Variants in ZBTB7C observed in about 807,000 individuals in gnomAD.
The protein encoded by ZBTB7C is zinc finger and BTB domain-containing protein 7C.
ZBTB7C carries 8 observed loss-of-function variants against 25.7 expected under a neutral mutation model. The ratio of observed to expected loss-of-function variants is 0.31; its 90% confidence interval spans 0.18 to 0.56. ZBTB7C has a LOEUF of 0.56. Among genes scored for constraint, ZBTB7C ranks in the 20% least tolerant of loss-of-function variants. The pLI is 0.91. For missense variants in ZBTB7C, 824 were observed against 855.2 expected, an observed-to-expected ratio of 0.96 and a Z score of 0.46; for synonymous variants, 394 against 369.0, an observed-to-expected ratio of 1.07 and a Z score of -0.78.
At chr18:48,364,797 T>G (rs2047186001) in intron 1 of ZBTB7C, among the ~76,000 whole-genome samples, 1 of 152,228 alleles carries the variant, frequency 6.6e-6, no homozygotes, top group South Asian at 2.1e-4. Context: ...TTTTACCTTT[T>G]GTGCACAAAT....
chr18:48,034,132 G>T (rs2035871720), intron 4 of ZBTB7C, among the ~76,000 whole-genome samples: 1 of 152,160 alleles, frequency 6.6e-6, no homozygotes, highest in Non-Finnish European at 1.5e-5. Flanking sequence ...CTTCTCTGTA[G>T]GAATGGAGGT....
At chr18:48,352,015 C>T (rs1291310452) in intron 1 of ZBTB7C, among the ~76,000 whole-genome samples, 1 of 152,180 alleles carries the variant, frequency 6.6e-6, no homozygotes, top group Non-Finnish European at 1.5e-5. Context: ...TTAGCCTTGG[C>T]CTGGTCTCCC....
At chr18:48,322,016 A>T (rs2046107756) in intron 2 of ZBTB7C, among the ~76,000 whole-genome samples, 1 of 152,156 alleles carries the variant, frequency 6.6e-6, no homozygotes, top group Non-Finnish European at 1.5e-5. Flanking sequence ...TGCTCCAAAC[A>T]GCTCCTTTGA....
intron 2 of ZBTB7C, among the ~76,000 whole-genome samples, chr18:48,261,693 T>C (rs1240815016): frequency 2.0e-5 from 3 of 152,084 alleles, no homozygotes; most frequent in East Asian, 3.9e-4. Flanking sequence ...GGCTCCCAAA[T>C]AGACCCTAAG....
At chr18:48,411,253 A>G (rs2048382290), upstream of ZBTB7C, among the ~76,000 whole-genome samples, 1 of 112,666 alleles carries the variant, frequency 8.9e-6, no homozygotes, top group Admixed American at 1.0e-4. Context: ...TTTCCTACTA[A>G]GTAAATTTCA....
At position 48,206,402 on chromosome 18, in the gene ZBTB7C, C is replaced by T. The variant is rs571211044; in HGVS notation, c.-78-20407G>A. ...GATAGCTATATTAAAATAAATGTTT[C>T]GCAGCACTTTGGGAGGCTGAAGTGG... On this transcript the variant is annotated intron_variant, in intron 2 of 4. Transcript: ENST00000590800. Among the ~76,000 whole-genome samples the T allele has an allele frequency of 9.5e-4, 145 of 152,274 alleles. 2 individuals are homozygous for T. Among genetic ancestry groups the T allele is most frequent in the African/African-American group, 3.3e-3 (136 of 41,542 alleles).
intron 1 of ZBTB7C, among the ~76,000 whole-genome samples, chr18:48,379,896 G>T (rs1325624646): frequency 2.0e-5 from 3 of 152,106 alleles, no homozygotes; most frequent in Non-Finnish European, 4.4e-5. Flanking sequence ...ATTTTGGTAA[G>T]GAAATTGTGC....
At chr18:48,036,526 G>T (rs756503846) in intron 4 of ZBTB7C, among the ~76,000 whole-genome samples, 18 of 152,310 alleles carry the variant, frequency 1.2e-4, no homozygotes, top group Non-Finnish European at 2.2e-4. Flanking sequence ...ACATCAAGGA[G>T]GGAGGAAATG....
intron 3 of ZBTB7C, among the ~76,000 whole-genome samples, chr18:48,144,329 A>G (rs2040438311): frequency 6.6e-6 from 1 of 152,134 alleles, no homozygotes; most frequent in African/African-American, 2.4e-5. Context: ...TAACAACTAC[A>G]TAAACAAAAC....
At position 48,362,483 on chromosome 18, in the gene ZBTB7C, C is replaced by T. The variant is rs527443193; in HGVS notation, c.-303-24085G>A. On this transcript the variant is annotated intron_variant, in intron 1 of 4. Transcript: ENST00000590800. Reference sequence around the variant, plus strand: ...TTATCCCTTTCCATGTGTAAGGGCACAGCTAGAAGGTGCCATTCTCTGAAC... The same window carrying T: ...TTATCCCTTTCCATGTGTAAGGGCATAGCTAGAAGGTGCCATTCTCTGAAC... Among the ~76,000 whole-genome samples, 4 of 152,278 alleles carry T rather than the reference C, an allele frequency of 2.6e-5. No individual in the cohort carries two copies. The South Asian group carries it at 8.3e-4, about 32-fold the overall frequency.
At chr18:48,216,532 G>A (rs780829231) in intron 2 of ZBTB7C, among the ~76,000 whole-genome samples, 15 of 152,144 alleles carry the variant, frequency 9.9e-5, no homozygotes, top group Non-Finnish European at 2.2e-4. Context: ...CCTGGGGGGC[G>A]AAGGTGGCAT....
At chr18:48,137,261 G>C (rs1221691947) in intron 3 of ZBTB7C, 4 of 985,360 alleles carry the variant, frequency 4.1e-6, no homozygotes, top group Non-Finnish European at 2.4e-6. Context: ...GCGCAGGACA[G>C]GACGATCTCA....
At chr18:48,202,703 C>T (rs2145208421) in intron 2 of ZBTB7C, among the ~76,000 whole-genome samples, 1 of 152,038 alleles carries the variant, frequency 6.6e-6, no homozygotes, top group African/African-American at 2.4e-5. Context: ...CGCACGCAGG[C>T]CATGGGAGGA....
At chr18:48,327,530 C>A (rs1257658100) in intron 2 of ZBTB7C, among the ~76,000 whole-genome samples, 3 of 152,222 alleles carry the variant, frequency 2.0e-5, no homozygotes, top group African/African-American at 7.2e-5. Context: ...GCTCATCCCA[C>A]CCTCCCAGGG....
chr18:48,141,561 G>T (rs181956440), intron 3 of ZBTB7C, among the ~76,000 whole-genome samples: 12 of 146,164 alleles, frequency 8.2e-5, no homozygotes, highest in African/African-American at 3.1e-4. Context: ...TTCGTGAACT[G>T]GGCGGGGGGG....
chr18:48,292,474 C>T (rs1319559055), intron 2 of ZBTB7C, among the ~76,000 whole-genome samples: 1 of 152,138 alleles, frequency 6.6e-6, no homozygotes. Flanking sequence ...CCCACTAAAG[C>T]ACTGGACCAC....
intron 2 of ZBTB7C, among the ~76,000 whole-genome samples, chr18:48,319,112 C>CTGTGTGCGTGTGTGTG (rs2046026785): frequency 6.8e-6 from 1 of 147,366 alleles, no homozygotes; most frequent in South Asian, 2.2e-4. Flanking sequence ...CAGAATGCCT[C>CTGTGTGCGTGTGTGTG]TGTGTGTGTG....
chr18:48,263,897 TG>T (rs2044240023), intron 2 of ZBTB7C, among the ~76,000 whole-genome samples: 1 of 152,088 alleles, frequency 6.6e-6, no homozygotes, highest in African/African-American at 2.4e-5. Context: ...GCCCCCCAAA[TG>T]GAGTTAATAA....
chr18:48,227,414 T>C lies in ZBTB7C; in HGVS notation c.-78-41419A>G, dbSNP rs118127669. 1.5e-3 allele frequency among the ~76,000 whole-genome samples: 221 copies of C among 152,332 alleles called. 1 individual carries two copies. In the East Asian group the frequency reaches 0.038, roughly 26 times the overall value. On this transcript the variant is annotated intron_variant, in intron 2 of 4. Transcript: ENST00000590800. Reference sequence around the variant, plus strand: ...TGGCTGAGCAAGCTGCTCCACCCTCTTCCTTTCTGCCGTCCTCTAGTCACT... The same window carrying C: ...TGGCTGAGCAAGCTGCTCCACCCTCCTCCTTTCTGCCGTCCTCTAGTCACT...
Sources: gnomAD v4.1 joint callset for allele counts (sites outside exome capture counted in the v4.1 genomes callset) on GRCh38, gnomAD v4.1.1 for gene constraint, MANE v1.5 for transcripts, NCBI Gene and HGNC (gene_info 2026-07-23, HGNC 2026-07-21) for gene names.